Variants in ANKS1B observed in about 807,000 individuals in gnomAD.
ANKS1B encodes ankyrin repeat and sterile alpha motif domain containing 1B, also known as ankyrin repeat and sterile alpha motif domain-containing protein 1B.
ANKS1B carries 36 observed loss-of-function variants against 148.3 expected under a neutral mutation model. That is an observed-to-expected ratio of 0.24 (90% CI 0.19 to 0.32). The LOEUF is 0.32. Among genes scored for constraint, ANKS1B ranks in the 10% least tolerant of loss-of-function variants. The probability of loss-of-function intolerance (pLI) is 1.00; values close to 1 mark genes in which losing one functional copy is unlikely to be tolerated. For synonymous variants in ANKS1B, 542 were observed against 560.8 expected, an observed-to-expected ratio of 0.97 and a Z score of 0.47; for missense variants, 1,157 against 1,542.6, an observed-to-expected ratio of 0.75 and a Z score of 4.19.
intron 8 of ANKS1B, among the ~76,000 whole-genome samples, chr12:99,733,206 T>C (rs753333513): frequency 6.6e-6 from 1 of 152,200 alleles, no homozygotes; most frequent in Non-Finnish European, 1.5e-5. Flanking sequence ...ATGCAGGATA[T>C]CTGCAGAATT....
intron 8 of ANKS1B, among the ~76,000 whole-genome samples, chr12:99,699,645 C>A (rs10860494): frequency 0.19 from 28,419 of 152,036 alleles, 3,141 homozygotes; most frequent in East Asian, 0.47. Context: ...ACTTGCTAAA[C>A]GATACAAAAA....
intron 15 of ANKS1B, among the ~76,000 whole-genome samples, chr12:99,099,284 C>T (rs1288886305): frequency 6.6e-6 from 1 of 152,230 alleles, no homozygotes; most frequent in Non-Finnish European, 1.5e-5. Context: ...AGATATCAAG[C>T]ATGTCCTGAT....
At chr12:99,196,857 A>G (rs1345945199) in intron 14 of ANKS1B, among the ~76,000 whole-genome samples, 1 of 152,052 alleles carries the variant, frequency 6.6e-6, no homozygotes, top group Non-Finnish European at 1.5e-5. Context: ...TGTGTCCTCA[A>G]ATCTCTATTT....
intron 1 of ANKS1B, among the ~76,000 whole-genome samples, chr12:99,973,184 C>T (rs1196687852): frequency 6.6e-6 from 1 of 152,138 alleles, no homozygotes; most frequent in East Asian, 1.9e-4. Context: ...ATTCTGTAGC[C>T]CAGAGATTGA....
intron 12 of ANKS1B, among the ~76,000 whole-genome samples, chr12:99,362,169 G>GGGGA: frequency 6.6e-6 from 1 of 152,094 alleles, no homozygotes; most frequent in Admixed American, 6.6e-5. Context: ...AAAAAGTGGA[G>GGGGA]GGGATTTTAT....
intron 17 of ANKS1B, among the ~76,000 whole-genome samples, chr12:99,048,074 A>G (rs772471830): frequency 6.6e-6 from 1 of 152,242 alleles, no homozygotes; most frequent in African/African-American, 2.4e-5. Flanking sequence ...TTAGTAGTCC[A>G]TAGAGGTGGA....
At chr12:99,684,786 G>A (rs2098640221) in intron 8 of ANKS1B, among the ~76,000 whole-genome samples, 1 of 151,502 alleles carries the variant, frequency 6.6e-6, no homozygotes, top group Admixed American at 6.6e-5. Flanking sequence ...ATACATGCCG[G>A]CTTGATCTTC....
intron 17 of ANKS1B, among the ~76,000 whole-genome samples, chr12:99,051,855 GAATT>G (rs1331407710): frequency 9.9e-5 from 15 of 152,118 alleles, no homozygotes; most frequent in Admixed American, 9.8e-4. Context: ...TAAAAGCAAG[GAATT>G]AATTAGTTAC....
Position 98,884,805 on chromosome 12 carries a change from C to CAAA in ANKS1B, c.2779-52672_2779-52670dup, listed in dbSNP as rs35160751. 1.2e-3 allele frequency among the ~76,000 whole-genome samples: 102 copies of CAAA among 83,646 alleles called. 1 individual carries two copies. Among genetic ancestry groups the CAAA allele is most frequent in the African/African-American group, 3.8e-3 (82 of 21,650 alleles). 54.9% of individuals were successfully genotyped at this position (83,646 alleles called of 152,430 possible). ...TGGGCGACAGAGCGAGACTCCGTCTCAAAAAAAAAAAAAAAAAAAAGAAAC... is the reference window on the plus strand; with the variant it reads ...TGGGCGACAGAGCGAGACTCCGTCTCAAAAAAAAAAAAAAAAAAAAAAAGAAAC... On this transcript the variant is annotated intron_variant, in intron 17 of 26. Coordinates refer to ENST00000683438, the MANE Select transcript of ANKS1B (RefSeq NM_001352186.2).
At chr12:99,612,190 T>G (rs897025119) in intron 9 of ANKS1B, among the ~76,000 whole-genome samples, 1 of 152,066 alleles carries the variant, frequency 6.6e-6, no homozygotes, top group Non-Finnish European at 1.5e-5. Context: ...CAGAGCTGAT[T>G]GAGCAAAATA....
intron 17 of ANKS1B, among the ~76,000 whole-genome samples, chr12:98,964,259 C>T (rs1180629290): frequency 6.6e-6 from 1 of 152,070 alleles, no homozygotes. Context: ...ATCATTTCAT[C>T]CCAGTTAAAA....
At chr12:99,983,444 A>G (rs1436203572) in intron 1 of ANKS1B, among the ~76,000 whole-genome samples, 1 of 152,198 alleles carries the variant, frequency 6.6e-6, no homozygotes, top group African/African-American at 2.4e-5. Context: ...CTCCATATAC[A>G]GTATCCCAAT....
intron 9 of ANKS1B, among the ~76,000 whole-genome samples, chr12:99,558,643 T>A (rs926396570): frequency 2.6e-5 from 4 of 152,068 alleles, no homozygotes; most frequent in Admixed American, 2.0e-4. Context: ...AGGAAGCACC[T>A]TGGTTGGGCT....
At chr12:99,429,690 G>A (rs1013841257) in intron 11 of ANKS1B, among the ~76,000 whole-genome samples, 57 of 152,210 alleles carry the variant, frequency 3.7e-4, no homozygotes, top group South Asian at 4.1e-4. Context: ...GGGGCCGGGC[G>A]CGGTGGCTCA....
intron 17 of ANKS1B, among the ~76,000 whole-genome samples, chr12:98,834,850 C>A (rs2099352964): frequency 6.6e-6 from 1 of 152,152 alleles, no homozygotes; most frequent in Non-Finnish European, 1.5e-5. Flanking sequence ...AATAATTCCT[C>A]CATCTCAGAA....
chr12:99,035,433 T>G (rs1379537376), intron 17 of ANKS1B, among the ~76,000 whole-genome samples: 1 of 152,188 alleles, frequency 6.6e-6, no homozygotes, highest in East Asian at 1.9e-4. Flanking sequence ...TCACTCAGTC[T>G]ATTAGCATTA....
chr12:99,661,773 T>C (rs1162048590), intron 8 of ANKS1B, among the ~76,000 whole-genome samples: 2 of 152,230 alleles, frequency 1.3e-5, no homozygotes, highest in East Asian at 1.9e-4. Flanking sequence ...GCTGGGCACA[T>C]GTATTCTTTG....
intron 10 of ANKS1B, among the ~76,000 whole-genome samples, chr12:99,494,797 G>T (rs1195952388): frequency 6.6e-6 from 1 of 151,072 alleles, no homozygotes; most frequent in Non-Finnish European, 1.5e-5. Context: ...TGAATGCAGG[G>T]GTCAAATTCC....
intron 1 of ANKS1B, among the ~76,000 whole-genome samples, chr12:99,912,265 G>C (rs1337058097): frequency 6.6e-6 from 1 of 152,064 alleles, no homozygotes; most frequent in East Asian, 1.9e-4. Flanking sequence ...TCATTTCACT[G>C]TTTTACAGTG....
Sources: allele counts gnomAD v4.1 joint callset (sites outside exome capture counted in the v4.1 genomes callset), GRCh38; gene constraint gnomAD v4.1.1; transcripts MANE v1.5; gene names NCBI Gene and HGNC (gene_info 2026-07-23, HGNC 2026-07-21).